The following WDR1 variants were observed in gnomAD, a reference collection of about 807,000 sequenced individuals.
The protein encoded by WDR1 is WD repeat domain 1.
A neutral mutation model predicts 71.9 loss-of-function variants in WDR1; 21 were observed. The observed-to-expected ratio is 0.29, with a 90% CI of 0.21 to 0.42. The LOEUF (loss-of-function observed/expected upper bound fraction) is 0.42. WDR1 is among the 10% of genes least tolerant of loss of function. The pLI is 1.00. For synonymous variants in WDR1, 424 were observed against 347.4 expected (o/e 1.22, Z -2.45); for missense variants, 696 against 824.5 (o/e 0.84, Z 1.91).
At chr4:10,114,246 G>C (rs1436494037) in intron 2 of WDR1, among the ~76,000 whole-genome samples, 1 of 152,164 alleles carries the variant, frequency 6.6e-6, no homozygotes, top group Non-Finnish European at 1.5e-5. Context: ...CCCCTGAGAA[G>C]AAAATGGCAA....
At chr4:10,079,267 C>G (rs2109636981) in intron 11 of WDR1, among the ~76,000 whole-genome samples, 1 of 152,006 alleles carries the variant, frequency 6.6e-6, no homozygotes, top group Admixed American at 6.5e-5. Context: ...AGGCAGTCAC[C>G]ACAGCACCAC....
At chr4:10,078,320 G>A (rs1481320327) in intron 12 of WDR1, among the ~76,000 whole-genome samples, 4 of 152,170 alleles carry the variant, frequency 2.6e-5, no homozygotes, top group Non-Finnish European at 4.4e-5. Flanking sequence ...CTGGAGAGGG[G>A]AAATGAGCTC....
At chr4:10,083,911 G>T (rs1446683059) in intron 9 of WDR1, among the ~76,000 whole-genome samples, 1 of 152,238 alleles carries the variant, frequency 6.6e-6, no homozygotes, top group Non-Finnish European at 1.5e-5. Context: ...CATCACCGAA[G>T]GGCCACAAGG....
chr4:10,087,662 C>A, intron 8 of WDR1, 45 bp downstream of exon 8: 1 of 1,519,242 alleles, frequency 6.6e-7, no homozygotes, highest in South Asian at 1.3e-5. Flanking sequence ...CTGGTCTCTT[C>A]CCTGTCCACC....
intron 3 of WDR1, 30 bp from the exon 4 acceptor site, chr4:10,099,169 G>GGGT: frequency 8.0e-7 from 1 of 1,247,294 alleles, no homozygotes; most frequent in Non-Finnish European, 1.1e-6. Context: ...GGGGAGGGGG[G>GGGT]GAGGCGGTGG....
chr4:10,078,358 G>A (rs144081055), intron 12 of WDR1, among the ~76,000 whole-genome samples: 2 of 152,190 alleles, frequency 1.3e-5, no homozygotes, highest in Non-Finnish European at 2.9e-5. Context: ...GACTTGGCCA[G>A]GCACACTGTG....
intron 2 of WDR1, chr4:10,108,181 C>T (rs181093389): frequency 6.6e-6 from 1 of 152,302 alleles, no homozygotes; most frequent in East Asian, 1.9e-4. Flanking sequence ...GCAACATTTA[C>T]AATTAGTGAG....
At chr4:10,077,993 G>A (rs1003739965) in intron 12 of WDR1, 67 bp from the exon 13 acceptor site, 7 of 1,471,580 alleles carry the variant, frequency 4.8e-6, no homozygotes, top group Middle Eastern at 1.8e-4. Flanking sequence ...CCTTTGTGAA[G>A]GGGGGGTCGA....
At chr4:10,089,750 G>A (rs1002630149) in intron 5 of WDR1, among the ~76,000 whole-genome samples, 2 of 152,172 alleles carry the variant, frequency 1.3e-5, no homozygotes, top group African/African-American at 4.8e-5. Context: ...ACCCCAAGGC[G>A]GATAAGCTGC....
intron 14 of WDR1, chr4:10,076,099 C>T (rs373375977): frequency 6.5e-6 from 1 of 153,060 alleles, no homozygotes; most frequent in Admixed American, 6.5e-5. Context: ...CAGCTGCAGG[C>T]AAGGGGGTTC....
chr4:10,107,925 G>A (rs1713115877), intron 2 of WDR1, among the ~76,000 whole-genome samples: 1 of 152,176 alleles, frequency 6.6e-6, no homozygotes, highest in African/African-American at 2.4e-5. Flanking sequence ...TGACCCGGGA[G>A]GCCATTCTAC....
At chr4:10,099,193 AG>A (rs1191955619) in intron 3 of WDR1, 54 bp from the exon 4 acceptor site, 8 of 559,270 alleles carry the variant, frequency 1.4e-5, no homozygotes, top group South Asian at 7.2e-5. Context: ...GGTAAAGGGC[AG>A]GGGGAGAGCC....
intron 2 of WDR1, among the ~76,000 whole-genome samples, chr4:10,110,376 G>C (rs1041022368): frequency 2.0e-5 from 3 of 152,210 alleles, no homozygotes; most frequent in African/African-American, 7.2e-5. Flanking sequence ...CTCTCCAGTA[G>C]TCTTACGCAT....
chr4:10,110,249 C>T (rs566805657), intron 2 of WDR1, among the ~76,000 whole-genome samples: 163 of 152,270 alleles, frequency 1.1e-3, no homozygotes, highest in African/African-American at 3.8e-3. Flanking sequence ...ACTGAGACGG[C>T]GAAGAGACGC....
intron 6 of WDR1, 68 bp downstream of exon 6, chr4:10,088,596 G>A (rs953089116): frequency 5.1e-6 from 7 of 1,381,958 alleles, no homozygotes; most frequent in East Asian, 2.5e-5. Context: ...GGCAGCCTGC[G>A]GCTCTGAGCA....
At chr4:10,098,915 C>A (rs1203055188) in intron 4 of WDR1, 77 bp downstream of exon 4, 16 of 1,589,678 alleles carry the variant, frequency 1.0e-5, no homozygotes, top group Non-Finnish European at 1.2e-5. Context: ...ATCAGCGCAT[C>A]CCCCTCCCAG....
intron 10 of WDR1, 122 bp from the exon 11 acceptor site, chr4:10,081,566 C>T: frequency 2.6e-6 from 2 of 770,924 alleles, no homozygotes; most frequent in Non-Finnish European, 4.3e-6. Flanking sequence ...GCCACCTATA[C>T]TGGAGAGACT....
chr4:10,095,799 G>T (rs1377332814), intron 5 of WDR1: 3 of 152,252 alleles, frequency 2.0e-5, no homozygotes, highest in African/African-American at 7.2e-5. Context: ...GTTTCCGGGA[G>T]GGCCCAGAGG....
intron 5 of WDR1, among the ~76,000 whole-genome samples, chr4:10,091,317 C>T (rs992540169): frequency 4.6e-5 from 7 of 152,246 alleles, no homozygotes; most frequent in African/African-American, 1.7e-4. Flanking sequence ...TTTTCTAGCA[C>T]TTCTAGGTAT....
Sources: allele counts gnomAD v4.1 joint callset (sites outside exome capture counted in the v4.1 genomes callset), GRCh38; gene constraint gnomAD v4.1.1; transcripts MANE v1.5; gene names NCBI Gene and HGNC (gene_info 2026-07-23, HGNC 2026-07-21).